HECW2: variants seen among roughly 807,000 people sequenced by gnomAD.
HECW2 encodes the protein HECT, C2 and WW domain containing E3 ubiquitin protein ligase 2.
Under a neutral mutation model 175.2 loss-of-function variants are expected in HECW2, and 61 were observed. That is an observed-to-expected ratio of 0.35 (90% confidence interval 0.28 to 0.43). The LOEUF (loss-of-function observed/expected upper bound fraction) is 0.43. Ranked by LOEUF, HECW2 falls within the 20% of genes least tolerant of loss-of-function variation. The pLI, the probability that HECW2 is intolerant of heterozygous loss-of-function variation, is 1.00. For synonymous variants in HECW2, 671 were observed against 731.0 expected (o/e 0.92, Z 1.32); for missense variants, 1,524 against 2,000.5 (o/e 0.76, Z 4.54).
chr2:196,439,620 C>T lies in HECW2; in HGVS notation c.-35-6162G>A, dbSNP rs114573164. On this transcript the variant is annotated intron_variant, in intron 1 of 28. Transcript: ENST00000644978. ...GCAGAGCCCACCGCCCACAAGCCAGCGACGGGACAGTGTAAGATGTAAGAC... is the reference window on the plus strand; with the variant it reads ...GCAGAGCCCACCGCCCACAAGCCAGTGACGGGACAGTGTAAGATGTAAGAC... 8.3e-3 allele frequency among the ~76,000 whole-genome samples: 1,267 copies of T among 152,232 alleles called. 17 individuals are homozygous for T. Among genetic ancestry groups the T allele is most frequent in the African/African-American group, 0.028 (1,168 of 41,532 alleles).
At chr2:196,301,487 C>T (rs766095334) in intron 13 of HECW2, among the ~76,000 whole-genome samples, 9 of 152,100 alleles carry the variant, frequency 5.9e-5, no homozygotes, top group African/African-American at 4.8e-5. Flanking sequence ...AATTTACACT[C>T]CCACCGAAAG....
intron 1 of HECW2, among the ~76,000 whole-genome samples, chr2:196,460,264 G>A (rs571320935): frequency 6.6e-6 from 1 of 152,248 alleles, no homozygotes; most frequent in East Asian, 1.9e-4. Flanking sequence ...AAGACTCTAA[G>A]AAATATCAAG....
intron 13 of HECW2, among the ~76,000 whole-genome samples, chr2:196,297,049 A>G (rs1349123280): frequency 1.3e-5 from 2 of 152,356 alleles, no homozygotes; most frequent in East Asian, 3.9e-4. Flanking sequence ...AGGAGAGCCC[A>G]TGATACCTAT....
intron 2 of HECW2, among the ~76,000 whole-genome samples, chr2:196,415,771 C>T (rs1291489562): frequency 2.6e-5 from 4 of 152,130 alleles, no homozygotes; most frequent in Non-Finnish European, 5.9e-5. Flanking sequence ...AAACAAGTTT[C>T]TGTAAAAATG....
chr2:196,235,088 G>T (rs1347197069), intron 21 of HECW2, among the ~76,000 whole-genome samples: 1 of 142,368 alleles, frequency 7.0e-6, no homozygotes, highest in African/African-American at 2.6e-5. Flanking sequence ...TAGACTCTAG[G>T]ATTATTTTTG....
chr2:196,431,418 G>A (rs924198650), intron 2 of HECW2, among the ~76,000 whole-genome samples: 4 of 151,964 alleles, frequency 2.6e-5, no homozygotes, highest in Admixed American at 6.6e-5. Flanking sequence ...TAAGTTATTC[G>A]TACACAAAAT....
At chr2:196,291,043 A>G (rs1208730580) in intron 14 of HECW2, 1 of 152,192 alleles carries the variant, frequency 6.6e-6, no homozygotes, top group Non-Finnish European at 1.5e-5. Context: ...AAATACATGC[A>G]TTTTGTAACA....
intron 1 of HECW2, among the ~76,000 whole-genome samples, chr2:196,495,570 A>ATT (rs1208605577): frequency 6.6e-6 from 1 of 152,184 alleles, no homozygotes; most frequent in Non-Finnish European, 1.5e-5. Flanking sequence ...AATGAGTGGG[A>ATT]TTTAGACATG....
At chr2:196,236,598 G>A (rs977105349) in intron 21 of HECW2, among the ~76,000 whole-genome samples, 1 of 152,152 alleles carries the variant, frequency 6.6e-6, no homozygotes, top group African/African-American at 2.4e-5. Context: ...TAATTGTCAT[G>A]TCTCCCTCTT....
chr2:196,312,281 T>C, intron 10 of HECW2, among the ~76,000 whole-genome samples: 1 of 152,150 alleles, frequency 6.6e-6, no homozygotes. Context: ...TTGAATTGGT[T>C]ATCATTGGAT....
intron 17 of HECW2, chr2:196,269,500 A>C (rs1484112080): frequency 1.3e-5 from 2 of 148,626 alleles, no homozygotes; most frequent in East Asian, 3.9e-4. Flanking sequence ...TACCTCCAAA[A>C]AAAAAAAAAA....
At chr2:196,311,087 C>G (rs1691479389) in intron 10 of HECW2, among the ~76,000 whole-genome samples, 1 of 152,178 alleles carries the variant, frequency 6.6e-6, no homozygotes, top group African/African-American at 2.4e-5. Flanking sequence ...AAACACCTGA[C>G]AATCCTATTT....
rs1402548273 is a variant in HECW2 at position 196,308,073 on chromosome 2, C to T, written c.2447G>A (p.Arg816His). 5 of 1,582,116 alleles carry T rather than the reference C, an allele frequency of 3.2e-6. No homozygotes were observed. Among genetic ancestry groups the T allele is most frequent in the African/African-American group, 1.3e-5 (1 of 74,454 alleles). ...GAAGATCCTGCCGTGGCTGTCAATG[C>T]GTGCCTCCCAGTCTAAATGGCAGTG... Reference protein sequence around the residue: ...DEALPPNWEARIDSHGRIFYV... With the variant: ...DEALPPNWEAHIDSHGRIFYV... Residue 816 changes from arginine to histidine, a missense_variant, in exon 11 of 29, where the codon CGC (arginine) becomes CAC (histidine). Physicochemically the swap from Arg to His is conservative, Grantham distance 29. Transcript: ENST00000644978.
At chr2:196,409,013 A>C (rs1327016671) in intron 2 of HECW2, among the ~76,000 whole-genome samples, 2 of 152,214 alleles carry the variant, frequency 1.3e-5, no homozygotes, top group East Asian at 3.8e-4. Context: ...TTTTTCAGGA[A>C]ACTTGCAAGC....
At chr2:196,520,854 C>T (rs184560016) in intron 1 of HECW2, among the ~76,000 whole-genome samples, 3 of 151,992 alleles carry the variant, frequency 2.0e-5, no homozygotes, top group Admixed American at 1.3e-4. Context: ...CAGAAGGACA[C>T]GCAAGAAGAA....
intron 22 of HECW2, 27 bp from the exon 23 acceptor site, chr2:196,225,897 TACATGTCATGGAG>T: frequency 7.2e-7 from 1 of 1,386,570 alleles, no homozygotes; most frequent in Non-Finnish European, 1.0e-6. Context: ...TGAGATGGCT[TACATGTCATGGAG>T]CAGTTTCTAG....
At chr2:196,552,592 A>T (rs969678070) in intron 1 of HECW2, among the ~76,000 whole-genome samples, 2 of 152,194 alleles carry the variant, frequency 1.3e-5, no homozygotes, top group African/African-American at 2.4e-5. Flanking sequence ...TTGTTCCCTA[A>T]ATCACCAGCT....
chr2:196,243,736 C>T (rs1445123082), intron 19 of HECW2, among the ~76,000 whole-genome samples: 1 of 151,814 alleles, frequency 6.6e-6, no homozygotes, highest in Non-Finnish European at 1.5e-5. Flanking sequence ...TGCACCTCCA[C>T]GCCCAGCTAA....
rs575139926 is a variant in HECW2 at position 196,447,901 on chromosome 2, C to CA, written c.-35-14444dup. On this transcript the variant is annotated intron_variant, in intron 1 of 28. Coordinates refer to ENST00000644978, the MANE Select transcript of HECW2 (RefSeq NM_001348768.2). ...TGAAACCCCATCTCTACTAAAAATACAAAAAAAGCTAGCCATGCGTGGTGG... is the reference window on the plus strand; with the variant it reads ...TGAAACCCCATCTCTACTAAAAATACAAAAAAAAGCTAGCCATGCGTGGTGG... 2.0e-4 allele frequency among the ~76,000 whole-genome samples: 30 copies of CA among 152,090 alleles called. No homozygotes were observed. In the East Asian group the frequency reaches 3.9e-3, roughly 20 times the overall value.
Sources: allele counts gnomAD v4.1 joint callset (sites outside exome capture counted in the v4.1 genomes callset), GRCh38; gene constraint gnomAD v4.1.1; transcripts MANE v1.5; gene names NCBI Gene and HGNC (gene_info 2026-07-23, HGNC 2026-07-21).